TMPRSS9: variants seen among roughly 807,000 people sequenced by gnomAD.
The protein encoded by TMPRSS9 is transmembrane serine protease 9.
In TMPRSS9, 113 loss-of-function variants were observed where a neutral mutation model predicts 111.4. That is an observed-to-expected ratio of 1.01 (90% confidence interval 0.87 to 1.19). The LOEUF is 1.19. TMPRSS9 is among the 50% of genes most tolerant of loss of function. The pLI is 0.00. For missense variants in TMPRSS9, 1,803 were observed against 1,513.1 expected (o/e 1.19, Z -3.18); for synonymous variants, 805 against 659.1 (o/e 1.22, Z -3.39).
intron 10 of TMPRSS9, among the ~76,000 whole-genome samples, chr19:2,415,364 A>C (rs1217568885): frequency 6.6e-6 from 1 of 152,032 alleles, no homozygotes; most frequent in Non-Finnish European, 1.5e-5. Flanking sequence ...CTTTGCAAGG[A>C]GGCCATAAAC....
chr19:2,377,484 TCCCCCCCA>T (rs1568169994), intron 1 of TMPRSS9, among the ~76,000 whole-genome samples: 5 of 14,932 alleles, frequency 3.3e-4, no homozygotes, highest in African/African-American at 1.7e-3. Context: ...CTCTCCTCTC[TCCCCCCCA>T]CCCCTCTCCC....
chr19:2,424,099 GGCGCCGGCC>G (rs1408255397), exon 15 of TMPRSS9: 2 of 1,306,326 alleles, frequency 1.5e-6, no homozygotes, highest in East Asian at 6.2e-5. Flanking sequence ...ACTGTGGCCT[GGCGCCGGCC>G]GCGCTCACCA....
rs148516299 is a variant in TMPRSS9, at chr19:2,408,425, C to T, written c.912C>T (p.Thr304=). ...ACCTCAGCGGCTCGGAGGCCAGCAC[C>T]GTGCGGGCCCAGGTGGTCCAGATCG... The change falls in exon 8 of 18, where the codon ACC becomes ACT. Residue 304 remains threonine, a synonymous_variant. Coordinates refer to ENST00000648592, the Ensembl canonical transcript of TMPRSS9. 3,278 of 1,613,832 alleles carry T rather than the reference C, an allele frequency of 2.0e-3. 74 individuals carry two copies. In the Admixed American group the frequency reaches 0.048, roughly 24 times the overall value.
intron 10 of TMPRSS9, among the ~76,000 whole-genome samples, chr19:2,415,117 G>C (rs1433244538): frequency 1.3e-5 from 2 of 151,536 alleles, no homozygotes; most frequent in Non-Finnish European, 2.9e-5. Flanking sequence ...GCTAATTTTT[G>C]TATTTTTAGT....
rs1419981055 is a variant in TMPRSS9, at chr19:2,389,939, T to TG, written c.142+15dup. On this transcript the variant is annotated intron_variant, in intron 1 of 17. Coordinates refer to ENST00000648592, the Ensembl canonical transcript of TMPRSS9. ...GGGAGTCCTTTTGGGTAAGTGGCTA[T>TG]GGGATTGGCTGGGTTCGCAATACAA... 6.3e-7 allele frequency: 1 copy of TG among 1,597,834 alleles called. No homozygotes were observed. The highest frequency in any genetic ancestry group is 1.1e-5 in the South Asian group (1 of 90,694).
At chr19:2,389,133 G>T (rs1241149698), upstream of TMPRSS9, among the ~76,000 whole-genome samples, 2 of 150,626 alleles carry the variant, frequency 1.3e-5, no homozygotes, top group Non-Finnish European at 3.0e-5. Flanking sequence ...GAGTGCAGTG[G>T]CGTGATCTCA....
chr19:2,395,647 G>A lies in TMPRSS9; in HGVS notation c.143-892G>A, dbSNP rs138067409. 3.9e-4 allele frequency among the ~76,000 whole-genome samples: 59 copies of A among 152,146 alleles called. 1 individual carries two copies. Among genetic ancestry groups the A allele is most frequent in the African/African-American group, 1.3e-3 (53 of 41,502 alleles). ...GGAGAATTGCTTGAACCCGGGAGGC[G>A]GAGGTTACAGTGAGGCGAGATCATG... On this transcript the variant is annotated intron_variant, in intron 1 of 17. Transcript: ENST00000648592.
At chr19:2,375,182 C>T (rs1304657544) in intron 1 of TMPRSS9, among the ~76,000 whole-genome samples, 1 of 152,226 alleles carries the variant, frequency 6.6e-6, no homozygotes, top group Non-Finnish European at 1.5e-5. Flanking sequence ...AGGAGCCCCA[C>T]TGGGAAGAAG....
intron 14 of TMPRSS9, among the ~76,000 whole-genome samples, chr19:2,423,695 G>T (rs1174687513): frequency 6.6e-6 from 1 of 152,132 alleles, no homozygotes; most frequent in East Asian, 1.9e-4. Flanking sequence ...GGAGGGCTTG[G>T]AGGTGATCAG....
chr19:2,402,871 G>A (rs937080152), intron 5 of TMPRSS9, among the ~76,000 whole-genome samples: 4 of 152,140 alleles, frequency 2.6e-5, no homozygotes, highest in Admixed American at 6.6e-5. Flanking sequence ...TAGAGGCTGC[G>A]GTGAGCTGTG....
exon 16 of TMPRSS9, chr19:2,425,005 C>T (rs762621672): frequency 1.0e-5 from 16 of 1,526,906 alleles, no homozygotes; most frequent in African/African-American, 7.0e-5. Context: ...CCCGCAGCTA[C>T]GGGGACCCCA....
intron 1 of TMPRSS9, among the ~76,000 whole-genome samples, chr19:2,391,237 C>CAAAAAAAACAAAAAAA (rs1970584143): frequency 1.9e-5 from 1 of 53,050 alleles, no homozygotes; most frequent in African/African-American, 1.1e-4. Context: ...AATTCCATCT[C>CAAAAAAAACAAAAAAA]AAAAAAAAAA....
In TMPRSS9 at chr19:2,410,691, T is replaced by A. The variant is rs142982657; in HGVS notation, c.1254+297T>A. ...TGCCCTCCATGGCTCCCTGCTCCCT[T>A]CCAGTGGGCCCCAGGTGCGTGCCAC... On this transcript the variant is annotated intron_variant, in intron 9 of 17. Transcript: ENST00000648592. Among the ~76,000 whole-genome samples, 14 of 152,102 alleles carry A rather than the reference T, an allele frequency of 9.2e-5. No homozygotes were observed. The East Asian group carries it at 2.7e-3, about 29-fold the overall frequency.
At chr19:2,392,470 G>A (rs1188779893) in intron 1 of TMPRSS9, among the ~76,000 whole-genome samples, 1 of 151,784 alleles carries the variant, frequency 6.6e-6, no homozygotes, top group African/African-American at 2.4e-5. Context: ...TCTCTGGGAC[G>A]CTGAAACGGG....
intron 8 of TMPRSS9, among the ~76,000 whole-genome samples, chr19:2,409,960 A>C (rs761320508): frequency 1.3e-5 from 2 of 151,994 alleles, no homozygotes; most frequent in African/African-American, 2.4e-5. Context: ...TGGACCTGGA[A>C]TGAGGGGCCT....
chr19:2,415,936 C>A, intron 11 of TMPRSS9, 95 bp downstream of exon 12: 5 of 1,379,942 alleles, frequency 3.6e-6, no homozygotes, highest in Non-Finnish European at 3.8e-6. Flanking sequence ...CTGCATGGAC[C>A]CCACTGGGGA....
chr19:2,412,239 AAAAC>A (rs1413590677), intron 9 of TMPRSS9, among the ~76,000 whole-genome samples: 1 of 151,908 alleles, frequency 6.6e-6, no homozygotes, highest in Non-Finnish European at 1.5e-5. Context: ...TACAAAAACA[AAAAC>A]AAAAACAAAA....
chr19:2,380,598 C>CAAAAAAAA (rs112276283), intron 1 of TMPRSS9, among the ~76,000 whole-genome samples: 6,338 of 110,312 alleles, frequency 0.057, 711 homozygotes, highest in African/African-American at 0.21. Context: ...AAGACTCCAC[C>CAAAAAAAA]AAAAAAAAAA....
At chr19:2,402,872 G>A (rs554431817) in intron 5 of TMPRSS9, among the ~76,000 whole-genome samples, 55 of 152,262 alleles carry the variant, frequency 3.6e-4, no homozygotes, top group African/African-American at 1.3e-3. Context: ...AGAGGCTGCG[G>A]TGAGCTGTGA....
Sources: allele counts gnomAD v4.1 joint callset (sites outside exome capture counted in the v4.1 genomes callset), GRCh38; gene constraint gnomAD v4.1.1; transcripts MANE v1.5; gene names NCBI Gene and HGNC (gene_info 2026-07-23, HGNC 2026-07-21).